The following LDB3 variants were observed in gnomAD, a reference collection of about 807,000 sequenced individuals.
LDB3 encodes the protein LIM domain-binding protein 3.
In LDB3, 49 loss-of-function variants were observed where a neutral mutation model predicts 69.0. The observed-to-expected ratio is 0.71, with a 90% CI of 0.56 to 0.90. The LOEUF (loss-of-function observed/expected upper bound fraction) is 0.90, where lower values mean the gene tolerates loss of function less well. Among genes scored for constraint, LDB3 ranks in the 40% least tolerant of loss-of-function variants. LDB3 has a pLI of 0.00. For missense variants in LDB3, 928 were observed against 974.1 expected (o/e 0.95, Z 0.63); for synonymous variants, 387 against 396.2 (o/e 0.98, Z 0.28).
intron 7 of LDB3, among the ~76,000 whole-genome samples, chr10:86,696,617 C>T (rs1366662421): frequency 6.6e-6 from 1 of 152,206 alleles, no homozygotes; most frequent in Non-Finnish European, 1.5e-5. Context: ...TATCACCCAG[C>T]CTCCACAGGC....
intron 5 of LDB3, among the ~76,000 whole-genome samples, chr10:86,689,967 C>T (rs951177828): frequency 3.3e-5 from 5 of 152,218 alleles, no homozygotes; most frequent in Admixed American, 6.5e-5. Flanking sequence ...AAAGGCACAG[C>T]AGTTTCCTTA....
At chr10:86,706,399 ACT>A in intron 7 of LDB3, 130 bp from the exon 8 acceptor site, 1 of 960,522 alleles carries the variant, frequency 1.0e-6, no homozygotes, top group Non-Finnish European at 1.7e-6. Context: ...TGAGGATCCT[ACT>A]CTGTTTGCAA....
rs563833422 is a variant in LDB3, at chr10:86,730,284, G to T, written c.2095-2603G>T. On this transcript the variant is annotated intron_variant, in intron 13 of 13. Coordinates refer to ENST00000361373, the MANE Select transcript of LDB3 (RefSeq NM_007078.3). ...CTGTCTCCATGGGGGATACCTGTAT[G>T]TGGGGACTCCACGTGCACTCCTCTT... Among the ~76,000 whole-genome samples the T allele has an allele frequency of 2.0e-5, 3 of 152,304 alleles. No homozygotes were observed. In the South Asian group the frequency reaches 6.2e-4, roughly 32 times the overall value.
chr10:86,699,715 A>T lies in LDB3; in HGVS notation c.897-6816A>T, dbSNP rs1846174927. 8.7e-7 allele frequency: 1 copy of T among 1,154,736 alleles called. No individual in the cohort carries two copies. The highest frequency in any genetic ancestry group is 2.1e-5 in the South Asian group (1 of 46,572). The allele number at this position is 1,154,736 out of a possible 1,614,324, so 71.5% of individuals were successfully genotyped here. A position where few individuals can be genotyped will look rare whatever the true frequency, so the allele number is the denominator to read the frequency against. ...GGCATAACACCCCAGAACCAAGGGAAATGGATGGGCCGCTGCTCAGTTTCC... is the reference window on the plus strand; with the variant it reads ...GGCATAACACCCCAGAACCAAGGGATATGGATGGGCCGCTGCTCAGTTTCC... On this transcript the variant is annotated intron_variant, in intron 7 of 13. Transcript: ENST00000361373. This position sits in a 1 kb window ranked among gnomAD's most constrained non-coding sequence, Gnocchi z 4.9.
chr10:86,669,938 C>T (rs1478486888), intron 2 of LDB3, among the ~76,000 whole-genome samples: 1 of 152,202 alleles, frequency 6.6e-6, no homozygotes, highest in East Asian at 1.9e-4. Flanking sequence ...AGGGGAAGCA[C>T]TGAAGTGGGC....
chr10:86,666,900 C>G (rs961052576), upstream of LDB3: 4 of 468,054 alleles, frequency 8.5e-6, no homozygotes, highest in African/African-American at 2.0e-5. Flanking sequence ...TTCCTTCTCC[C>G]ACACTGGTTA....
chr10:86,682,560 G>A lies in LDB3; in HGVS notation c.689+757G>A, dbSNP rs1005494672. ...CACACTGGGCCTGTGTTAGCTCTGA[G>A]CCCTTCACGCTTGTTCTCTCACCCT... On this transcript the variant is annotated intron_variant, in intron 5 of 13. Coordinates refer to ENST00000361373, the MANE Select transcript of LDB3 (RefSeq NM_007078.3). 1.4e-4 allele frequency among the ~76,000 whole-genome samples: 22 copies of A among 152,268 alleles called. 1 individual carries two copies. The South Asian group carries it at 1.9e-3, about 13-fold the overall frequency.
intron 13 of LDB3, among the ~76,000 whole-genome samples, chr10:86,726,975 C>T (rs1847276621): frequency 6.6e-6 from 1 of 151,790 alleles, no homozygotes; most frequent in Admixed American, 6.6e-5. Context: ...CCTGAGAAAG[C>T]CCCCTAATGT....
At position 86,699,495 on chromosome 10, in the gene LDB3, C is replaced by T. The variant is rs1195274070; in HGVS notation, c.896+6924C>T. 3.9e-6 allele frequency: 6 copies of T among 1,551,132 alleles called. No individual in the cohort carries two copies. The African/African-American group carries it at 4.1e-5, about 11-fold the overall frequency. On this transcript the variant is annotated intron_variant, in intron 7 of 13. Transcript: ENST00000361373. This position sits in a 1 kb window ranked among gnomAD's most constrained non-coding sequence, Gnocchi z 4.9. Reference sequence around the variant, plus strand: ...CAATGTATAACTCTGCTGGGGGCACCTCTGATGGCCAACCGCAGCATTTCT... The same window carrying T: ...CAATGTATAACTCTGCTGGGGGCACTTCTGATGGCCAACCGCAGCATTTCT...
At chr10:86,710,156 A>G in intron 9 of LDB3, 106 bp downstream of exon 9, 1 of 1,546,784 alleles carries the variant, frequency 6.5e-7, no homozygotes, top group Non-Finnish European at 8.7e-7. Context: ...AAGAATGGGA[A>G]GCAAGGCCTT....
At chr10:86,711,099 A>G (rs1363494849) in intron 9 of LDB3, among the ~76,000 whole-genome samples, 1 of 152,212 alleles carries the variant, frequency 6.6e-6, no homozygotes, top group African/African-American at 2.4e-5. Context: ...CTGCCCCTGC[A>G]GAGACTGGGA....
chr10:86,691,010 C>A (rs1845732232), intron 5 of LDB3, among the ~76,000 whole-genome samples: 1 of 152,206 alleles, frequency 6.6e-6, no homozygotes, highest in African/African-American at 2.4e-5. Context: ...AGAAGGTGGG[C>A]TGGGCGGCTT....
intron 12 of LDB3, among the ~76,000 whole-genome samples, chr10:86,722,742 T>C (rs1251961883): frequency 6.6e-6 from 1 of 151,024 alleles, no homozygotes; most frequent in Non-Finnish European, 1.5e-5. Context: ...AATTTTTATA[T>C]TATTAGTAGA....
At chr10:86,678,035 T>TTTTGTTTG (rs377210873) in intron 2 of LDB3, among the ~76,000 whole-genome samples, 9 of 151,984 alleles carry the variant, frequency 5.9e-5, no homozygotes, top group African/African-American at 2.2e-4. Flanking sequence ...GCCTGCAGTT[T>TTTTGTTTG]TTTGTTTGTT....
intron 7 of LDB3, among the ~76,000 whole-genome samples, chr10:86,697,855 T>C (rs563879926): frequency 6.6e-6 from 1 of 152,310 alleles, no homozygotes; most frequent in East Asian, 1.9e-4. Context: ...CCCAGCCAAC[T>C]TCTTAATTAA....
intron 7 of LDB3, among the ~76,000 whole-genome samples, chr10:86,704,756 GTATTTT>G (rs1028816662): frequency 1.3e-5 from 2 of 149,732 alleles, no homozygotes; most frequent in Admixed American, 6.6e-5. Flanking sequence ...TTTTGTTTTT[GTATTTT>G]TAGTAGAGAT....
At chr10:86,732,430 C>T (rs1338608170) in intron 13 of LDB3, 7 of 447,770 alleles carry the variant, frequency 1.6e-5, no homozygotes, top group East Asian at 1.4e-4. Context: ...ACTCTGCTTC[C>T]GTCATTAAGA....
chr10:86,680,241 G>T, intron 4 of LDB3, 84 bp downstream of exon 4: 1 of 1,260,424 alleles, frequency 7.9e-7, no homozygotes, highest in Non-Finnish European at 1.1e-6. Flanking sequence ...GTCTTTGGCT[G>T]GCCCAACTGG....
At chr10:86,703,276 C>G (rs71473273) in intron 7 of LDB3, among the ~76,000 whole-genome samples, 2,103 of 152,294 alleles carry the variant, frequency 0.014, 26 homozygotes, top group Non-Finnish European at 0.024. Context: ...CAGGCCATAC[C>G]TGCCCACACT....
Sources: allele counts gnomAD v4.1 joint callset (sites outside exome capture counted in the v4.1 genomes callset), GRCh38; gene constraint gnomAD v4.1.1; non-coding constraint Gnocchi (gnomAD v3.1); transcripts MANE v1.5; gene names NCBI Gene and HGNC (gene_info 2026-07-23, HGNC 2026-07-21).